The following PSMA1 variants were observed in gnomAD, a reference collection of about 807,000 sequenced individuals.
PSMA1 encodes the protein proteasome 20S subunit alpha 1.
Under a neutral mutation model 38.4 loss-of-function variants are expected in PSMA1, and 3 were observed. The observed-to-expected ratio is 0.08, with a 90% CI of 0.04 to 0.20. The LOEUF (loss-of-function observed/expected upper bound fraction) is 0.20, where lower values mean the gene tolerates loss of function less well. Among genes scored for constraint, PSMA1 ranks in the 10% least tolerant of loss-of-function variants. PSMA1 has a pLI of 1.00. For missense variants in PSMA1, 227 were observed against 325.3 expected (o/e 0.70, Z 2.32); for synonymous variants, 101 against 107.1 (o/e 0.94, Z 0.35).
intron 2 of PSMA1, among the ~76,000 whole-genome samples, chr11:14,585,844 C>T (rs1382613227): frequency 6.6e-6 from 1 of 152,152 alleles, no homozygotes; most frequent in Non-Finnish European, 1.5e-5. Context: ...CAATCTCTTC[C>T]CTCCACTGCA....
chr11:14,599,029 T>C (rs953769793), intron 2 of PSMA1, among the ~76,000 whole-genome samples: 2 of 152,132 alleles, frequency 1.3e-5, no homozygotes, highest in Non-Finnish European at 2.9e-5. Flanking sequence ...AATTCTGGGT[T>C]GAAAATTCTT....
At chr11:14,610,977 T>G (rs766685931) in exon 2 of PSMA1, 14 of 1,613,306 alleles carry the variant, frequency 8.7e-6, no homozygotes, top group Non-Finnish European at 1.2e-5. Flanking sequence ...TTCACCTTGC[T>G]GAGCTGCATA....
chr11:14,537,470 A>C (rs972127142), intron 2 of PSMA1, among the ~76,000 whole-genome samples: 2 of 152,060 alleles, frequency 1.3e-5, no homozygotes, highest in Non-Finnish European at 2.9e-5. Context: ...CATATCTTTT[A>C]AAGAGGGTGG....
At chr11:14,550,148 T>C (rs570475220) in intron 2 of PSMA1, among the ~76,000 whole-genome samples, 1 of 152,296 alleles carries the variant, frequency 6.6e-6, no homozygotes, top group East Asian at 1.9e-4. Flanking sequence ...TGAACACAAC[T>C]AGCTTATTAT....
intron 2 of PSMA1, among the ~76,000 whole-genome samples, chr11:14,578,694 G>GGAAGTAGAGAAGGTTGCA (rs945385381): frequency 6.6e-5 from 10 of 152,232 alleles, no homozygotes; most frequent in Admixed American, 5.9e-4. Flanking sequence ...TACGTAAACA[G>GGAAGTAGAGAAGGTTGCA]GAAGTAGAGA....
intron 5 of PSMA1, 169 bp from the exon 6 acceptor site, chr11:14,514,056 C>A: frequency 7.5e-7 from 1 of 1,328,622 alleles, no homozygotes; most frequent in Non-Finnish European, 9.6e-7. Context: ...AAATGTTTGA[C>A]TTTCTACCGA....
chr11:14,587,409 C>T (rs923891721), intron 2 of PSMA1, among the ~76,000 whole-genome samples: 1 of 152,202 alleles, frequency 6.6e-6, no homozygotes, highest in African/African-American at 2.4e-5. Context: ...GCCAAGGCTT[C>T]TGGGCTCTGG....
At chr11:14,511,143 T>C (rs1851336261) in intron 7 of PSMA1, 192 bp from the exon 8 acceptor site, 11 of 384,740 alleles carry the variant, frequency 2.9e-5, no homozygotes, top group South Asian at 5.8e-5. Flanking sequence ...TCTTATTTTA[T>C]TTAATGAGAG....
intron 2 of PSMA1, among the ~76,000 whole-genome samples, chr11:14,591,259 C>T (rs563621784): frequency 1.3e-5 from 2 of 152,214 alleles, no homozygotes; most frequent in African/African-American, 2.4e-5. Context: ...AGCCCACCGG[C>T]GCTACGCTCA....
At chr11:14,623,600 G>A (rs1468688974) in intron 1 of PSMA1, among the ~76,000 whole-genome samples, 3 of 152,158 alleles carry the variant, frequency 2.0e-5, no homozygotes, top group African/African-American at 7.2e-5. Flanking sequence ...GACATATTAT[G>A]GCCCAATAGA....
upstream of PSMA1, chr11:14,520,482 C>G (rs949366808): frequency 3.3e-5 from 48 of 1,471,852 alleles, no homozygotes; most frequent in Non-Finnish European, 3.9e-5. Flanking sequence ...TTAAAACTTT[C>G]CGACCGCTCG....
intron 2 of PSMA1, among the ~76,000 whole-genome samples, chr11:14,598,343 TG>T (rs1315049616): frequency 1.3e-5 from 2 of 152,290 alleles, no homozygotes; most frequent in South Asian, 4.1e-4. Context: ...ATGTTGACAG[TG>T]GGGTGTTTGT....
chr11:14,509,959 G>A (rs960331898), intron 8 of PSMA1, among the ~76,000 whole-genome samples: 5 of 151,884 alleles, frequency 3.3e-5, no homozygotes, highest in Admixed American at 1.3e-4. Flanking sequence ...TCCTGACCTC[G>A]TGATCCACCT....
At chr11:14,581,319 A>G (rs1852279677) in intron 2 of PSMA1, among the ~76,000 whole-genome samples, 1 of 152,202 alleles carries the variant, frequency 6.6e-6, no homozygotes, top group Non-Finnish European at 1.5e-5. Flanking sequence ...TATCATCTGA[A>G]TCAGTTGGCT....
chr11:14,586,852 CCA>C (rs1852352039), intron 2 of PSMA1, among the ~76,000 whole-genome samples: 2 of 151,946 alleles, frequency 1.3e-5, no homozygotes, highest in Non-Finnish European at 2.9e-5. Flanking sequence ...CCTCTGCTTT[CCA>C]GATTCAAGCC....
intron 8 of PSMA1, among the ~76,000 whole-genome samples, chr11:14,509,276 C>T (rs566336985): frequency 6.6e-6 from 1 of 152,272 alleles, no homozygotes; most frequent in South Asian, 2.1e-4. Context: ...ATTAATTAGG[C>T]CCAAAACCTT....
chr11:14,565,473 T>C (rs1395889034), intron 2 of PSMA1, among the ~76,000 whole-genome samples: 1 of 152,234 alleles, frequency 6.6e-6, no homozygotes, highest in Non-Finnish European at 1.5e-5. Context: ...TGAGCTTAGA[T>C]TATTGATCCG....
chr11:14,617,372 T>C (rs1049574215), intron 1 of PSMA1, among the ~76,000 whole-genome samples: 5 of 152,196 alleles, frequency 3.3e-5, no homozygotes, highest in Non-Finnish European at 5.9e-5. Context: ...TATAATCATT[T>C]GCTTGTCTGT....
intron 8 of PSMA1, 32 bp downstream of exon 8, chr11:14,510,840 T>C: frequency 6.7e-7 from 1 of 1,490,358 alleles, no homozygotes; most frequent in South Asian, 1.2e-5. Context: ...ACTGTAACGT[T>C]AATATCTACA....
Sources: gnomAD v4.1 joint callset for allele counts (sites outside exome capture counted in the v4.1 genomes callset) on GRCh38, gnomAD v4.1.1 for gene constraint, MANE v1.5 for transcripts, NCBI Gene and HGNC (gene_info 2026-07-23, HGNC 2026-07-21) for gene names.